Variants in KAZN observed in about 807,000 individuals in gnomAD.
The protein encoded by KAZN is kazrin, periplakin interacting protein, also known as kazrin.
Under a neutral mutation model 87.4 loss-of-function variants are expected in KAZN, and 40 were observed. The observed-to-expected ratio is 0.46, with a 90% CI of 0.36 to 0.60. The LOEUF (loss-of-function observed/expected upper bound fraction) is 0.60, where lower values mean the gene tolerates loss of function less well. KAZN is among the 20% of genes least tolerant of loss of function. The pLI is 0.00. For missense variants in KAZN, 898 were observed against 1,073.9 expected, an observed-to-expected ratio of 0.84 and a Z score of 2.29; for synonymous variants, 466 against 458.3, an observed-to-expected ratio of 1.02 and a Z score of -0.22.
intron 2 of KAZN, among the ~76,000 whole-genome samples, chr1:14,548,422 C>A (rs1020479777): frequency 6.6e-6 from 1 of 152,070 alleles, no homozygotes; most frequent in Non-Finnish European, 1.5e-5. Flanking sequence ...AGGTCTCGAA[C>A]CCCTGACATC....
At chr1:14,834,002 C>CACAT (rs1240720545) in intron 1 of KAZN, among the ~76,000 whole-genome samples, 8 of 142,324 alleles carry the variant, frequency 5.6e-5, no homozygotes, top group Admixed American at 2.2e-4. Context: ...CACACACACA[C>CACAT]ACACACATAC....
In KAZN at chr1:14,773,473, C is replaced by A. The variant is rs532702905; in HGVS notation, c.226+174250C>A. Among the ~76,000 whole-genome samples the A allele has an allele frequency of 1.3e-5, 2 of 152,248 alleles. No homozygotes were observed. The highest frequency in any genetic ancestry group is 4.8e-5 in the African/African-American group (2 of 41,544). ...TGCACTAAGGTGTGAAACGTAAACA[C>A]CCCCGAGGGAGGAAGGCCCTTCCAG... On this transcript the variant is annotated intron_variant, in intron 1 of 14. Transcript: ENST00000376030. The surrounding 1 kb of genome is among the most constrained non-coding windows in gnomAD (Gnocchi z 5.9).
chr1:14,120,417 C>T (rs1236343080), intron 1 of KAZN, among the ~76,000 whole-genome samples: 1 of 152,118 alleles, frequency 6.6e-6, no homozygotes, highest in African/African-American at 2.4e-5. Context: ...CCACCAGGCC[C>T]CACCTCCAAC....
At chr1:14,609,318 A>G (rs908446539) in intron 1 of KAZN, among the ~76,000 whole-genome samples, 11 of 152,172 alleles carry the variant, frequency 7.2e-5, no homozygotes, top group Admixed American at 5.9e-4. Flanking sequence ...GCAATTTGAC[A>G]TGGTACCAGG....
At chr1:14,350,996 G>A (rs1397733101) in intron 2 of KAZN, 1 of 152,260 alleles carries the variant, frequency 6.6e-6, no homozygotes, top group Non-Finnish European at 1.5e-5. Context: ...GCTTTGGGTG[G>A]TCTGGTGTGA....
At chr1:13,987,697 A>G (rs1178899834) in intron 1 of KAZN, among the ~76,000 whole-genome samples, 1 of 151,946 alleles carries the variant, frequency 6.6e-6, no homozygotes, top group Non-Finnish European at 1.5e-5. Context: ...AGAGAGAGGA[A>G]CTCATCCTTT....
At chr1:14,676,706 A>G (rs1317316447) in intron 1 of KAZN, among the ~76,000 whole-genome samples, 1 of 152,240 alleles carries the variant, frequency 6.6e-6, no homozygotes, top group Non-Finnish European at 1.5e-5. Flanking sequence ...ACAAAAGGCC[A>G]TATATTGTAT....
rs191937934 is a variant in KAZN at position 14,205,525 on chromosome 1, T to C, written c.249+24933T>C. 1.9e-3 allele frequency among the ~76,000 whole-genome samples: 292 copies of C among 152,294 alleles called. 1 individual carries two copies. Among genetic ancestry groups the C allele is most frequent in the Middle Eastern group, 0.014 (4 of 294 alleles). Reference sequence around the variant, plus strand: ...AGATTTTTTAATGGAATTGATACACTGTGGCAGTGAAAACAGGATTTTCTG... The same window carrying C: ...AGATTTTTTAATGGAATTGATACACCGTGGCAGTGAAAACAGGATTTTCTG... On this transcript the variant is annotated intron_variant, in intron 2 of 16. Coordinates refer to the KAZN transcript ENST00000636203.
intron 1 of KAZN, among the ~76,000 whole-genome samples, chr1:14,959,032 G>A: frequency 6.6e-6 from 1 of 152,254 alleles, no homozygotes; most frequent in East Asian, 1.9e-4. Context: ...CCAGCCTGTG[G>A]ATAAACAGAT....
At chr1:14,776,298 C>T (rs1381166308) in intron 1 of KAZN, among the ~76,000 whole-genome samples, 1 of 152,248 alleles carries the variant, frequency 6.6e-6, no homozygotes, top group Admixed American at 6.5e-5. Flanking sequence ...GCCACTGCAC[C>T]TGGACTCCGT....
chr1:14,370,869 GGGAT>G (rs1307844988), intron 2 of KAZN, among the ~76,000 whole-genome samples: 6 of 152,092 alleles, frequency 3.9e-5, no homozygotes, highest in Non-Finnish European at 8.8e-5. Context: ...ATTTTTAGTA[GGGAT>G]GGAGTTTTGT....
At position 14,205,902 on chromosome 1, in the gene KAZN, A is replaced by AAAAAAAAAAAAAAAAAAAAC. The variant is rs1347848492; in HGVS notation, c.249+25314_249+25315insAAAAAAAAAAAAAAACAAAA. ...ACTGTCTCAAAAAAAAAAAAAAAAAAAAAAGCTACCTAATGTTAAATGACG... is the reference window on the plus strand; with the variant it reads ...ACTGTCTCAAAAAAAAAAAAAAAAAAAAAAAAAAAAAAAAAAAAACAAAAGCTACCTAATGTTAAATGACG... On this transcript the variant is annotated intron_variant, in intron 2 of 16. Transcript: ENST00000636203. 8.8e-5 allele frequency among the ~76,000 whole-genome samples: 5 copies of AAAAAAAAAAAAAAAAAAAAC among 56,556 alleles called. 1 individual carries two copies. The highest frequency in any genetic ancestry group is 1.6e-4 in the Non-Finnish European group (5 of 31,984). 37.1% of individuals were successfully genotyped at this position (56,556 alleles called of 152,430 possible).
intron 1 of KAZN, among the ~76,000 whole-genome samples, chr1:14,824,095 C>A (rs899294616): frequency 7.6e-6 from 1 of 131,674 alleles, no homozygotes; most frequent in Non-Finnish European, 1.6e-5. Context: ...CCCTGGGCAA[C>A]AGAGCAAGAC....
At chr1:14,137,700 G>C (rs1027797799) in intron 1 of KAZN, among the ~76,000 whole-genome samples, 23 of 138,152 alleles carry the variant, frequency 1.7e-4, no homozygotes, top group African/African-American at 6.2e-4. Flanking sequence ...CAAATATAAG[G>C]CTTTTTTTTT....
chr1:14,292,738 G>C lies in KAZN; in HGVS notation c.249+112146G>C, dbSNP rs890287252. Reference sequence around the variant, plus strand: ...TGCGTGTTGGTGCATGGAAGAGGGGGTGCATCATTTCTCATGTTGGCCGCA... The same window carrying C: ...TGCGTGTTGGTGCATGGAAGAGGGGCTGCATCATTTCTCATGTTGGCCGCA... On this transcript the variant is annotated intron_variant, in intron 2 of 16. Coordinates refer to the KAZN transcript ENST00000636203. Among the ~76,000 whole-genome samples the C allele has an allele frequency of 5.8e-4, 89 of 152,196 alleles. 1 individual carries two copies. The highest frequency in any genetic ancestry group is 1.7e-3 in the African/African-American group (72 of 41,454).
chr1:14,722,963 A>T (rs1404486009), intron 1 of KAZN, among the ~76,000 whole-genome samples: 4 of 152,040 alleles, frequency 2.6e-5, no homozygotes, highest in East Asian at 1.9e-4. Flanking sequence ...TCTACAAAAA[A>T]TTTTTTTAAA....
At chr1:14,891,834 T>C (rs908327513) in intron 1 of KAZN, among the ~76,000 whole-genome samples, 1 of 152,190 alleles carries the variant, frequency 6.6e-6, no homozygotes, top group Non-Finnish European at 1.5e-5. Flanking sequence ...AGCTATTTCT[T>C]CTAAAATGAA....
At chr1:14,986,337 G>A (rs1168943686) in intron 2 of KAZN, among the ~76,000 whole-genome samples, 7 of 152,128 alleles carry the variant, frequency 4.6e-5, no homozygotes, top group African/African-American at 7.2e-5. Flanking sequence ...TAACAGCCTC[G>A]CTTTTGCAAA....
At chr1:14,567,701 A>G (rs1045572426) in intron 2 of KAZN, among the ~76,000 whole-genome samples, 3 of 152,198 alleles carry the variant, frequency 2.0e-5, no homozygotes, top group Non-Finnish European at 4.4e-5. Context: ...AAAAACATAT[A>G]CTTAGAAATG....
Sources: allele counts gnomAD v4.1 joint callset (sites outside exome capture counted in the v4.1 genomes callset), GRCh38; gene constraint gnomAD v4.1.1; non-coding constraint Gnocchi (gnomAD v3.1); transcripts MANE v1.5; gene names NCBI Gene and HGNC (gene_info 2026-07-23, HGNC 2026-07-21).